The following RPRD1A variants were observed in gnomAD, a reference collection of about 807,000 sequenced individuals.
RPRD1A encodes regulation of nuclear pre-mRNA domain-containing protein 1A.
A neutral mutation model predicts 37.8 loss-of-function variants in RPRD1A; 9 were observed. The ratio of observed to expected loss-of-function variants is 0.24; its 90% confidence interval spans 0.14 to 0.42. The LOEUF (loss-of-function observed/expected upper bound fraction) is 0.42. Ranked by LOEUF, RPRD1A falls within the 10% of genes least tolerant of loss-of-function variation. The pLI is 1.00. For missense variants in RPRD1A, 255 were observed against 371.0 expected, an observed-to-expected ratio of 0.69 and a Z score of 2.57; for synonymous variants, 138 against 139.7, an observed-to-expected ratio of 0.99 and a Z score of 0.08.
In RPRD1A at chr18:36,013,691, T is replaced by C. The variant is rs550485744; in HGVS notation, c.789+13209A>G. Among the ~76,000 whole-genome samples, 9 of 152,330 alleles carry C rather than the reference T, an allele frequency of 5.9e-5. No homozygotes were observed. The East Asian group carries it at 1.7e-3, about 29-fold the overall frequency. On this transcript the variant is annotated intron_variant, in intron 6 of 6. Transcript: ENST00000399022. The stretch of plus-strand genomic sequence containing the variant: ...GCTCTTCATGACATCTTTATTTTTA[T>C]CCTTTATTTTAAAATATTAAAATGT...
chr18:36,002,240 A>ATTC, intron 6 of RPRD1A, among the ~76,000 whole-genome samples: 1 of 152,246 alleles, frequency 6.6e-6, no homozygotes, highest in African/African-American at 2.4e-5. Context: ...AAGCCCATGT[A>ATTC]CATTATACCT....
chr18:36,029,203 T>C (rs1911587898), intron 4 of RPRD1A, among the ~76,000 whole-genome samples: 1 of 152,234 alleles, frequency 6.6e-6, no homozygotes, highest in Non-Finnish European at 1.5e-5. Context: ...GTCTGATTCC[T>C]TCTGCTTCTC....
chr18:36,061,405 T>G (rs1311511034), intron 1 of RPRD1A, among the ~76,000 whole-genome samples: 2 of 152,152 alleles, frequency 1.3e-5, no homozygotes, highest in Non-Finnish European at 2.9e-5. Flanking sequence ...AAGAGGCTGG[T>G]ACAAAGGATA....
chr18:36,053,271 T>A (rs1477595595), intron 1 of RPRD1A, among the ~76,000 whole-genome samples: 3 of 152,186 alleles, frequency 2.0e-5, no homozygotes, highest in Admixed American at 6.5e-5. Flanking sequence ...ATTACCTCCA[T>A]CTAGTTCCAA....
chr18:36,007,812 C>T (rs919086494), intron 6 of RPRD1A, among the ~76,000 whole-genome samples: 2 of 152,020 alleles, frequency 1.3e-5, no homozygotes, highest in African/African-American at 2.4e-5. Flanking sequence ...GTGGCATGCA[C>T]CTGTAGTCCC....
chr18:36,004,811 G>T (rs62101378), intron 6 of RPRD1A, among the ~76,000 whole-genome samples: 12,067 of 152,218 alleles, frequency 0.079, 589 homozygotes, highest in South Asian at 0.12. Context: ...GCTGAGGCAG[G>T]AGAATCACTT....
At chr18:36,001,492 T>C (rs1337116780) in intron 6 of RPRD1A, among the ~76,000 whole-genome samples, 1 of 152,206 alleles carries the variant, frequency 6.6e-6, no homozygotes, top group African/African-American at 2.4e-5. Flanking sequence ...GAATCCCATT[T>C]CTCATTTGTC....
chr18:35,995,033 C>A (rs1297417889), intron 6 of RPRD1A, among the ~76,000 whole-genome samples: 1 of 152,062 alleles, frequency 6.6e-6, no homozygotes, highest in African/African-American at 2.4e-5. Flanking sequence ...GAGAAGTGAG[C>A]TAATAGCAAA....
intron 1 of RPRD1A, among the ~76,000 whole-genome samples, chr18:36,046,554 G>A (rs1360029297): frequency 2.0e-5 from 3 of 152,024 alleles, no homozygotes; most frequent in Non-Finnish European, 4.4e-5. Flanking sequence ...TCTTGGCTAA[G>A]CACAGTGGCA....
chr18:35,998,904 C>T (rs144933737), intron 6 of RPRD1A, among the ~76,000 whole-genome samples: 10 of 152,294 alleles, frequency 6.6e-5, no homozygotes, highest in Non-Finnish European at 1.3e-4. Context: ...GCCTTGTGTG[C>T]ACTGCAAGTG....
chr18:36,032,162 T>C (rs755959211), intron 2 of RPRD1A, among the ~76,000 whole-genome samples: 12 of 152,208 alleles, frequency 7.9e-5, no homozygotes, highest in Non-Finnish European at 1.3e-4. Context: ...TGCTTTGTAT[T>C]TCTTGCTAGC....
intron 6 of RPRD1A, among the ~76,000 whole-genome samples, chr18:36,011,002 T>C (rs543143871): frequency 6.6e-6 from 1 of 152,288 alleles, no homozygotes; most frequent in African/African-American, 2.4e-5. Context: ...GACATAAAAA[T>C]ACTACAGACA....
At chr18:36,019,226 G>A (rs1043962516) in intron 6 of RPRD1A, among the ~76,000 whole-genome samples, 14 of 150,448 alleles carry the variant, frequency 9.3e-5, no homozygotes, top group Non-Finnish European at 1.8e-4. Context: ...TCCTGCCTCA[G>A]TCTCCCGAGC....
chr18:36,034,472 C>G (rs1338377015), intron 1 of RPRD1A, among the ~76,000 whole-genome samples: 1 of 152,106 alleles, frequency 6.6e-6, no homozygotes, highest in Non-Finnish European at 1.5e-5. Context: ...AGGAAATAGA[C>G]AAGATTTCAA....
chr18:36,008,577 G>GTATATATATATATATA (rs141531156), intron 6 of RPRD1A, among the ~76,000 whole-genome samples: 1,263 of 47,814 alleles, frequency 0.026, 143 homozygotes, highest in African/African-American at 0.077. Context: ...CCTTGTGTGT[G>GTATATATATATATATA]TATATATATA....
chr18:36,037,736 T>C (rs1056803440), intron 1 of RPRD1A, among the ~76,000 whole-genome samples: 3 of 152,172 alleles, frequency 2.0e-5, no homozygotes, highest in African/African-American at 7.2e-5. Flanking sequence ...AAAATGCTGA[T>C]AGTGAAGTAG....
At chr18:36,066,372 A>G (rs1335271616) in intron 1 of RPRD1A, among the ~76,000 whole-genome samples, 1 of 152,246 alleles carries the variant, frequency 6.6e-6, no homozygotes, top group African/African-American at 2.4e-5. Context: ...AACACTTGAT[A>G]AAAAACCATC....
intron 1 of RPRD1A, among the ~76,000 whole-genome samples, chr18:36,036,688 ATAAT>A (rs1178649080): frequency 6.6e-6 from 1 of 152,220 alleles, no homozygotes; most frequent in African/African-American, 2.4e-5. Flanking sequence ...CATACAGCAA[ATAAT>A]TAATGGCGGT....
At chr18:35,995,771 T>C (rs1909016097) in intron 6 of RPRD1A, among the ~76,000 whole-genome samples, 1 of 152,130 alleles carries the variant, frequency 6.6e-6, no homozygotes, top group South Asian at 2.1e-4. Flanking sequence ...TGACAAACAA[T>C]ACCTAAGCCA....
Sources: allele counts gnomAD v4.1 joint callset (sites outside exome capture counted in the v4.1 genomes callset), GRCh38; gene constraint gnomAD v4.1.1; transcripts MANE v1.5; gene names NCBI Gene and HGNC (gene_info 2026-07-23, HGNC 2026-07-21).